PRR5L: variants seen among roughly 807,000 people sequenced by gnomAD.
The protein encoded by PRR5L is proline-rich protein 5-like.
In PRR5L, 21 loss-of-function variants were observed where a neutral mutation model predicts 36.4. The ratio of observed to expected loss-of-function variants is 0.58; its 90% CI spans 0.41 to 0.83. PRR5L has a LOEUF of 0.83. PRR5L is among the 40% of genes least tolerant of loss of function. The pLI is 0.00. For missense variants in PRR5L, 381 were observed against 473.3 expected (o/e 0.80, Z 1.81); for synonymous variants, 188 against 197.0 (o/e 0.95, Z 0.38).
intron 1 of PRR5L, among the ~76,000 whole-genome samples, chr11:36,305,252 C>G (rs1224618882): frequency 6.6e-6 from 1 of 152,096 alleles, no homozygotes; most frequent in African/African-American, 2.4e-5. Context: ...AAACACTATG[C>G]TAAGTGCAAG....
At chr11:36,348,256 C>A (rs957352218) in intron 1 of PRR5L, among the ~76,000 whole-genome samples, 1 of 152,146 alleles carries the variant, frequency 6.6e-6, no homozygotes, top group Admixed American at 6.5e-5. Flanking sequence ...GCATGGCTTT[C>A]TCTGGGCCTT....
At chr11:36,351,327 T>C (rs1405414295) in intron 1 of PRR5L, among the ~76,000 whole-genome samples, 3 of 71,570 alleles carry the variant, frequency 4.2e-5, no homozygotes, top group East Asian at 1.6e-3. Flanking sequence ...TTTATAAATA[T>C]TTATATATAT....
intron 1 of PRR5L, among the ~76,000 whole-genome samples, chr11:36,378,047 C>T (rs770855780): frequency 6.6e-6 from 1 of 152,104 alleles, no homozygotes; most frequent in Non-Finnish European, 1.5e-5. Flanking sequence ...CCCTTTTTGA[C>T]CTCTCTTTGG....
chr11:36,376,105 A>ATTT, intron 1 of PRR5L: 12 of 1,005,042 alleles, frequency 1.2e-5, no homozygotes, highest in South Asian at 1.5e-5. Flanking sequence ...CTCCTCGGCA[A>ATTT]TTTTTTTTTT....
intron 1 of PRR5L, among the ~76,000 whole-genome samples, chr11:36,329,990 C>A (rs917925455): frequency 6.6e-6 from 1 of 152,204 alleles, no homozygotes. Context: ...TGATTCAAGG[C>A]ACATCAGTCT....
chr11:36,440,521 A>G (rs771673048), intron 6 of PRR5L, among the ~76,000 whole-genome samples: 12 of 152,172 alleles, frequency 7.9e-5, no homozygotes, highest in Non-Finnish European at 1.8e-4. Context: ...GACCCAAATG[A>G]CTACAGGTAT....
chr11:36,439,705 C>G (rs1858681055), intron 6 of PRR5L, among the ~76,000 whole-genome samples: 2 of 152,198 alleles, frequency 1.3e-5, no homozygotes, highest in African/African-American at 4.8e-5. Flanking sequence ...AGGTATATAG[C>G]ATACCCTGAA....
At chr11:36,418,082 T>A (rs193143042) in intron 3 of PRR5L, among the ~76,000 whole-genome samples, 1 of 152,228 alleles carries the variant, frequency 6.6e-6, no homozygotes, top group Non-Finnish European at 1.5e-5. Context: ...GTTGAAATCA[T>A]CTTGTGAGTA....
chr11:36,306,878 A>AG (rs1856438125), intron 1 of PRR5L, among the ~76,000 whole-genome samples: 1 of 74,154 alleles, frequency 1.3e-5, no homozygotes, highest in African/African-American at 3.7e-5. Context: ...TCATAGTGCT[A>AG]AAAAAAAGAA....
intron 3 of PRR5L, among the ~76,000 whole-genome samples, chr11:36,405,170 T>C (rs554064803): frequency 6.6e-6 from 1 of 152,218 alleles, no homozygotes; most frequent in East Asian, 1.9e-4. Context: ...TCAAAAGACT[T>C]CAGGTACCAA....
At chr11:36,308,597 C>T (rs1856459348) in intron 1 of PRR5L, among the ~76,000 whole-genome samples, 1 of 152,174 alleles carries the variant, frequency 6.6e-6, no homozygotes, top group South Asian at 2.1e-4. Flanking sequence ...TTTGGAAAGA[C>T]CTGCTTGACC....
intron 1 of PRR5L, among the ~76,000 whole-genome samples, chr11:36,365,276 G>A (rs1022722153): frequency 6.6e-6 from 1 of 151,924 alleles, no homozygotes; most frequent in African/African-American, 2.4e-5. Flanking sequence ...TGTAAATTTG[G>A]GAGACTATCA....
At chr11:36,420,935 C>T (rs910498529) in intron 4 of PRR5L, among the ~76,000 whole-genome samples, 20 of 151,834 alleles carry the variant, frequency 1.3e-4, no homozygotes, top group Admixed American at 7.2e-4. Context: ...GGAATTCAAT[C>T]GGGTCATATG....
chr11:36,396,825 A>T (rs1344594490), intron 1 of PRR5L, among the ~76,000 whole-genome samples: 1 of 152,122 alleles, frequency 6.6e-6, no homozygotes, highest in Non-Finnish European at 1.5e-5. Context: ...CTCTTGCCCC[A>T]TCAAATATGG....
intron 8 of PRR5L, among the ~76,000 whole-genome samples, chr11:36,454,425 G>C (rs1336519148): frequency 6.6e-6 from 1 of 152,150 alleles, no homozygotes; most frequent in Non-Finnish European, 1.5e-5. Flanking sequence ...CCTGTGGGAG[G>C]AGAGCATTGA....
chr11:36,453,866 G>C (rs560587936), intron 8 of PRR5L: 29 of 152,362 alleles, frequency 1.9e-4, no homozygotes, highest in Admixed American at 1.9e-3. Flanking sequence ...AGTAAACAGA[G>C]AGGGATGACT....
intron 1 of PRR5L, among the ~76,000 whole-genome samples, chr11:36,335,793 A>T (rs1296598733): frequency 1.3e-5 from 2 of 152,236 alleles, no homozygotes; most frequent in Non-Finnish European, 2.9e-5. Flanking sequence ...CAACTATATA[A>T]TAAGCAAAAG....
intron 1 of PRR5L, among the ~76,000 whole-genome samples, chr11:36,304,912 C>A (rs1856414440): frequency 6.6e-6 from 1 of 152,166 alleles, no homozygotes; most frequent in African/African-American, 2.4e-5. Context: ...TTGGAATCCT[C>A]ATGTGCTGCT....
chr11:36,422,990 A>G (rs1858302503), intron 4 of PRR5L, among the ~76,000 whole-genome samples: 2 of 151,984 alleles, frequency 1.3e-5, no homozygotes, highest in South Asian at 4.2e-4. Context: ...GGTGGTTCAG[A>G]GCATGGGTGT....
Sources: allele counts gnomAD v4.1 joint callset (sites outside exome capture counted in the v4.1 genomes callset), GRCh38; gene constraint gnomAD v4.1.1; transcripts MANE v1.5; gene names NCBI Gene and HGNC (gene_info 2026-07-23, HGNC 2026-07-21).